Variants in PALLD observed in about 807,000 individuals in gnomAD.
PALLD encodes the protein palladin.
In PALLD, 61 loss-of-function variants were observed where a neutral mutation model predicts 123.5. The observed-to-expected ratio is 0.49, with a 90% confidence interval of 0.40 to 0.61. PALLD has a LOEUF of 0.61. PALLD is among the 20% of genes least tolerant of loss of function. The pLI is 0.00. For synonymous variants in PALLD, 465 were observed against 496.4 expected (o/e 0.94, Z 0.84); for missense variants, 1,273 against 1,377.0 (o/e 0.92, Z 1.20).
intron 10 of PALLD, among the ~76,000 whole-genome samples, chr4:168,744,630 C>A (rs998852044): frequency 1.3e-5 from 2 of 152,160 alleles, no homozygotes; most frequent in African/African-American, 4.8e-5. Context: ...AAGACACAGT[C>A]TAGTGGTGGC....
chr4:168,834,134 C>T (rs533256011), intron 10 of PALLD, among the ~76,000 whole-genome samples: 16 of 152,050 alleles, frequency 1.1e-4, no homozygotes, highest in Admixed American at 7.2e-4. Flanking sequence ...AATATGCCAA[C>T]ATCCACACCA....
chr4:168,607,025 T>A (rs1773250768), intron 2 of PALLD, among the ~76,000 whole-genome samples: 2 of 152,204 alleles, frequency 1.3e-5, no homozygotes, highest in Non-Finnish European at 2.9e-5. Flanking sequence ...TCATATTTTG[T>A]ATGTGTTTCA....
At chr4:168,793,169 A>G (rs28516495) in intron 10 of PALLD, among the ~76,000 whole-genome samples, 30,544 of 110,290 alleles carry the variant, frequency 0.28, 5,004 homozygotes, top group Non-Finnish European at 0.37. Flanking sequence ...ATACATATAT[A>G]TGTGTGCATA....
At chr4:168,688,062 C>G (rs1782259610) in intron 6 of PALLD, among the ~76,000 whole-genome samples, 1 of 152,168 alleles carries the variant, frequency 6.6e-6, no homozygotes, top group Non-Finnish European at 1.5e-5. Context: ...TTTTCCCTTT[C>G]TCACTTTAGG....
intron 10 of PALLD, among the ~76,000 whole-genome samples, chr4:168,774,535 C>T (rs576066039): frequency 6.6e-6 from 1 of 152,050 alleles, no homozygotes; most frequent in African/African-American, 2.4e-5. Flanking sequence ...TGAGACCAGC[C>T]TGGCCAACAT....
chr4:168,731,535 A>G (rs1311956237), intron 10 of PALLD, among the ~76,000 whole-genome samples: 1 of 152,374 alleles, frequency 6.6e-6, no homozygotes, highest in East Asian at 1.9e-4. Flanking sequence ...CAAAGGGCAG[A>G]TAGTCCAATT....
At position 168,557,040 on chromosome 4, in the gene PALLD, T is replaced by A. The variant is rs549224976; in HGVS notation, c.908+44628T>A. Among the ~76,000 whole-genome samples the A allele has an allele frequency of 8.2e-5, 5 of 60,970 alleles. No individual in the cohort carries two copies. In the East Asian group the frequency reaches 5.8e-3, roughly 71 times the overall value. The allele number at this position is 60,970 out of a possible 152,430, so 40.0% of individuals were successfully genotyped here. ...ACTCACATTTCCACTTGTTTTTGTT[T>A]TGTTTTGTTTTGTTTTGTTTTGAGA... On this transcript the variant is annotated intron_variant, in intron 2 of 21. Transcript: ENST00000505667.
chr4:168,787,766 A>G (rs975119572), intron 10 of PALLD, among the ~76,000 whole-genome samples: 1 of 152,208 alleles, frequency 6.6e-6, no homozygotes, highest in African/African-American at 2.4e-5. Flanking sequence ...ACTTTCTTTT[A>G]TTCCTCCTTT....
chr4:168,782,738 G>C (rs909541739), intron 10 of PALLD, among the ~76,000 whole-genome samples: 8 of 150,920 alleles, frequency 5.3e-5, no homozygotes, highest in African/African-American at 2.5e-5. Flanking sequence ...GTGAAATCCT[G>C]TCTTTACTAA....
chr4:168,843,442 A>T (rs1746340526), intron 10 of PALLD, among the ~76,000 whole-genome samples: 1 of 152,208 alleles, frequency 6.6e-6, no homozygotes, highest in African/African-American at 2.4e-5. Context: ...GGACATCAGG[A>T]TAAACAAATT....
At chr4:168,674,888 A>G (rs1043101472) in intron 3 of PALLD, among the ~76,000 whole-genome samples, 4 of 152,210 alleles carry the variant, frequency 2.6e-5, no homozygotes, top group African/African-American at 9.6e-5. Flanking sequence ...TTACTAGAAT[A>G]TAGGCTGAAG....
At chr4:168,789,754 A>G (rs1737247219) in intron 10 of PALLD, among the ~76,000 whole-genome samples, 1 of 151,900 alleles carries the variant, frequency 6.6e-6, no homozygotes, top group Admixed American at 6.6e-5. Flanking sequence ...GAACACAAAC[A>G]CTTTCGTATT....
intron 10 of PALLD, among the ~76,000 whole-genome samples, chr4:168,864,136 T>C (rs921127168): frequency 1.3e-5 from 2 of 152,160 alleles, no homozygotes; most frequent in African/African-American, 4.8e-5. Flanking sequence ...CACATACACA[T>C]GAGAGATGAG....
rs568444752 is a variant in PALLD, at chr4:168,716,067, T to G, written c.1964+4144T>G. 1.6e-4 allele frequency among the ~76,000 whole-genome samples: 25 copies of G among 152,296 alleles called. No homozygotes were observed. In the South Asian group the frequency reaches 4.2e-3, roughly 25 times the overall value. The stretch of plus-strand genomic sequence containing the variant: ...GATTTGCCAAGCATATAGAAAGGCA[T>G]GGTCATGTTTTTCCACTGAGCTCAC... On this transcript the variant is annotated intron_variant, in intron 10 of 21. Transcript: ENST00000505667.
At chr4:168,807,815 C>T (rs1740452107) in intron 10 of PALLD, among the ~76,000 whole-genome samples, 1 of 151,950 alleles carries the variant, frequency 6.6e-6, no homozygotes, top group African/African-American at 2.4e-5. Context: ...AAGTGATTCT[C>T]CTGCCTCAGC....
chr4:168,705,835 G>A (rs1784172388), intron 8 of PALLD, among the ~76,000 whole-genome samples: 1 of 151,962 alleles, frequency 6.6e-6, no homozygotes, highest in Admixed American at 6.6e-5. Context: ...GAGAGATGGG[G>A]TTTCACCATG....
rs11132433 is a variant in PALLD at position 168,723,478 on chromosome 4, T to G, written c.1964+11555T>G. On this transcript the variant is annotated intron_variant, in intron 10 of 21. Transcript: ENST00000505667. ...AAGGAAAAGGTTTGAGGAAGCAGAGTTTGGTTAGAAACAGCCAAGGAATCC... is the reference window on the plus strand; with the variant it reads ...AAGGAAAAGGTTTGAGGAAGCAGAGGTTGGTTAGAAACAGCCAAGGAATCC... Among the ~76,000 whole-genome samples, 4,753 of 152,192 alleles carry G rather than the reference T, an allele frequency of 0.031. 342 individuals are homozygous for G. In the East Asian group the frequency reaches 0.32, roughly 10 times the overall value.
chr4:168,612,941 G>C (rs1441155923), intron 2 of PALLD, among the ~76,000 whole-genome samples: 3 of 152,154 alleles, frequency 2.0e-5, no homozygotes, highest in Non-Finnish European at 1.5e-5. Flanking sequence ...TGCCCTCACT[G>C]GATTCGGAAC....
chr4:168,761,984 A>G (rs1733006691), intron 10 of PALLD, among the ~76,000 whole-genome samples: 1 of 151,830 alleles, frequency 6.6e-6, no homozygotes, highest in Non-Finnish European at 1.5e-5. Flanking sequence ...TGTGGTTTTC[A>G]TTTATAAGGG....
Sources: allele counts gnomAD v4.1 joint callset (sites outside exome capture counted in the v4.1 genomes callset), GRCh38; gene constraint gnomAD v4.1.1; transcripts MANE v1.5; gene names NCBI Gene and HGNC (gene_info 2026-07-23, HGNC 2026-07-21).